Variants in RBBP8 observed in about 807,000 individuals in gnomAD.
RBBP8 encodes the protein DNA endonuclease RBBP8.
In RBBP8, 88 loss-of-function variants were observed where a neutral mutation model predicts 108.3. That is an observed-to-expected ratio of 0.81 (90% CI 0.68 to 0.97). RBBP8 has a LOEUF of 0.97. Ranked by LOEUF, RBBP8 falls within the 50% of genes least tolerant of loss-of-function variation. The pLI, the probability that RBBP8 is intolerant of heterozygous loss-of-function variation, is 0.00. For synonymous variants in RBBP8, 332 were observed against 348.2 expected (o/e 0.95, Z 0.52); for missense variants, 1,023 against 1,049.0 (o/e 0.98, Z 0.34).
intron 3 of RBBP8, among the ~76,000 whole-genome samples, chr18:22,922,911 A>G (rs899942376): frequency 6.6e-6 from 1 of 152,208 alleles, no homozygotes; most frequent in Non-Finnish European, 1.5e-5. Flanking sequence ...TAATAATACT[A>G]TCTAACTTAC....
intron 10 of RBBP8, among the ~76,000 whole-genome samples, chr18:22,991,404 T>C (rs1915694956): frequency 6.6e-6 from 1 of 152,190 alleles, no homozygotes; most frequent in Non-Finnish European, 1.5e-5. Flanking sequence ...GCTTCCAAGA[T>C]TGTGTTGCAT....
intron 10 of RBBP8, 50 bp downstream of exon 10, chr18:22,991,099 ATTAC>A (rs1915668129): frequency 8.1e-7 from 1 of 1,235,106 alleles, no homozygotes; most frequent in Admixed American, 1.7e-5. Context: ...GTGAGATCCC[ATTAC>A]AATGAATTTC....
At chr18:22,956,551 G>A (rs1367579033) in intron 4 of RBBP8, among the ~76,000 whole-genome samples, 1 of 152,068 alleles carries the variant, frequency 6.6e-6, no homozygotes, top group Non-Finnish European at 1.5e-5. Context: ...ATCATAGGCT[G>A]GTCTTGAACT....
At chr18:22,931,939 C>T (rs908697305), upstream of RBBP8, among the ~76,000 whole-genome samples, 4 of 152,052 alleles carry the variant, frequency 2.6e-5, no homozygotes, top group East Asian at 1.9e-4. Context: ...TGGTTGGTAG[C>T]GTGGATGTGG....
chr18:22,962,160 C>A (rs1913158527), intron 4 of RBBP8, among the ~76,000 whole-genome samples: 1 of 152,146 alleles, frequency 6.6e-6, no homozygotes, highest in African/African-American at 2.4e-5. Context: ...TCCTTTAGAT[C>A]ATAAATCTCT....
chr18:22,958,770 A>G lies in RBBP8; in HGVS notation c.248+9057A>G, dbSNP rs142171425. ...TTGCCCAGGCTTGTCTTGAACTCCTAGGCTCAGACCATCCTCCCACCTCAG... is the reference window on the plus strand; with the variant it reads ...TTGCCCAGGCTTGTCTTGAACTCCTGGGCTCAGACCATCCTCCCACCTCAG... On this transcript the variant is annotated intron_variant, in intron 4 of 18. Coordinates refer to ENST00000327155, the MANE Select transcript of RBBP8 (RefSeq NM_002894.3). Among the ~76,000 whole-genome samples the G allele has an allele frequency of 4.9e-4, 75 of 152,222 alleles. 1 individual carries two copies. The highest frequency in any genetic ancestry group is 1.8e-3 in the African/African-American group (73 of 41,526).
At position 23,026,238 on chromosome 18, in the gene RBBP8, T is replaced by C. The variant is rs1409422493; in HGVS notation, c.2692T>C (p.Ter898GlnextTer16). ...FSPKGKEQKT[*>Q] ...TCCAAAAGGCAAGGAGCAGAAGACA[T>C]AGACGTTGAAACAGAAACAGAAGGA... The change falls in exon 19 of 19, where the codon TAG becomes CAG. Residue 898 changes from the stop codon to glutamine (Q), a stop_lost. Transcript: ENST00000327155. The C allele has an allele frequency of 6.2e-7, 1 of 1,612,090 alleles. No homozygotes were observed. Among genetic ancestry groups the C allele is most frequent in the Non-Finnish European group, 8.5e-7 (1 of 1,178,468 alleles).
chr18:22,966,867 C>T (rs558462183), intron 4 of RBBP8, among the ~76,000 whole-genome samples: 126 of 151,900 alleles, frequency 8.3e-4, no homozygotes, highest in African/African-American at 2.9e-3. Flanking sequence ...GCTGGGATTA[C>T]AAGCATGAGC....
intron 4 of RBBP8, among the ~76,000 whole-genome samples, chr18:22,954,337 A>G (rs1004217594): frequency 6.6e-6 from 1 of 152,250 alleles, no homozygotes; most frequent in Non-Finnish European, 1.5e-5. Flanking sequence ...GGCATTGGGT[A>G]AATACACCCA....
chr18:22,965,981 A>G (rs1913548612), intron 4 of RBBP8, among the ~76,000 whole-genome samples: 1 of 152,162 alleles, frequency 6.6e-6, no homozygotes, highest in African/African-American at 2.4e-5. Flanking sequence ...TGAAATAGCC[A>G]CATGTGTCTG....
At chr18:22,983,187 T>G (rs1008719399) in intron 7 of RBBP8, among the ~76,000 whole-genome samples, 2 of 152,204 alleles carry the variant, frequency 1.3e-5, no homozygotes, top group Admixed American at 1.3e-4. Flanking sequence ...ACTTTTAGTA[T>G]TAATCTAAAG....
intron 4 of RBBP8, among the ~76,000 whole-genome samples, chr18:22,965,662 G>A (rs1458412908): frequency 2.0e-5 from 3 of 152,134 alleles, no homozygotes; most frequent in African/African-American, 7.2e-5. Flanking sequence ...TAAACCTCCA[G>A]TCTGCTGCTG....
intron 15 of RBBP8, among the ~76,000 whole-genome samples, chr18:23,005,700 A>G (rs185832492): frequency 0.014 from 2,199 of 152,124 alleles, 63 homozygotes; most frequent in African/African-American, 0.051. Context: ...GGTGTGAGCC[A>G]CCACACCCGG....
chr18:22,954,314 C>T (rs920825579), intron 4 of RBBP8, among the ~76,000 whole-genome samples: 4 of 152,236 alleles, frequency 2.6e-5, no homozygotes, highest in African/African-American at 9.6e-5. Flanking sequence ...CTCGTAGATA[C>T]AGTGGGGATA....
intron 5 of RBBP8, among the ~76,000 whole-genome samples, chr18:22,970,855 A>G (rs1437974294): frequency 1.3e-5 from 2 of 152,194 alleles, no homozygotes; most frequent in South Asian, 2.1e-4. Context: ...TTTTATAACT[A>G]CTTGACAAGT....
At chr18:22,970,128 G>A (rs1031901661) in intron 5 of RBBP8, among the ~76,000 whole-genome samples, 4 of 152,114 alleles carry the variant, frequency 2.6e-5, no homozygotes, top group Admixed American at 1.3e-4. Flanking sequence ...CAGTCTCTAC[G>A]CATCACTTCA....
intron 4 of RBBP8, among the ~76,000 whole-genome samples, chr18:22,967,804 G>T (rs918070137): frequency 8.6e-5 from 13 of 150,346 alleles, no homozygotes; most frequent in African/African-American, 3.2e-4. Context: ...CCGCCACCAC[G>T]CACAGCTAAT....
At chr18:22,958,765 C>T (rs1480443472) in intron 4 of RBBP8, among the ~76,000 whole-genome samples, 1 of 152,194 alleles carries the variant, frequency 6.6e-6, no homozygotes, top group Non-Finnish European at 1.5e-5. Context: ...TTGTCTTGAA[C>T]TCCTAGGCTC....
At chr18:22,984,227 C>T (rs1255219370) in intron 7 of RBBP8, among the ~76,000 whole-genome samples, 1 of 151,704 alleles carries the variant, frequency 6.6e-6, no homozygotes, top group Admixed American at 6.6e-5. Flanking sequence ...TTCACTTTAC[C>T]TTGTCCTTAT....
Sources: allele counts gnomAD v4.1 joint callset (sites outside exome capture counted in the v4.1 genomes callset), GRCh38; gene constraint gnomAD v4.1.1; transcripts MANE v1.5; gene names NCBI Gene and HGNC (gene_info 2026-07-23, HGNC 2026-07-21).